Variants in SPRR2G observed in about 807,000 individuals in gnomAD.
SPRR2G encodes the protein small proline rich protein 2G, also known as small proline-rich protein 2G.
Under a neutral mutation model 0.7 loss-of-function variants are expected in SPRR2G, and 1 was observed. The ratio of observed to expected loss-of-function variants is 1.49; its 90% confidence interval spans 0.53 to 7.06. The LOEUF (loss-of-function observed/expected upper bound fraction) is 7.06, where lower values mean the gene tolerates loss of function less well. Among genes scored for constraint, SPRR2G ranks in the 30% most tolerant of loss-of-function variants. SPRR2G has a pLI of 0.14. For synonymous variants in SPRR2G, 38 were observed against 33.9 expected, an observed-to-expected ratio of 1.12 and a Z score of -0.42; for missense variants, 96 against 88.5, an observed-to-expected ratio of 1.09 and a Z score of -0.34.
the SPRR2G span, among the ~76,000 whole-genome samples, chr1:153,170,608 A>G: frequency 1.3e-5 from 2 of 152,208 alleles, no homozygotes; most frequent in Admixed American, 1.3e-4. Flanking sequence ...AGGAGGGAAG[A>G]AGAAAAGGTG....
chr1:153,157,753 G>A, the SPRR2G span, among the ~76,000 whole-genome samples: 5 of 151,988 alleles, frequency 3.3e-5, no homozygotes, highest in South Asian at 2.1e-4. Flanking sequence ...CCATTAGTCC[G>A]TTCTCACACT....
the SPRR2G span, among the ~76,000 whole-genome samples, chr1:153,195,240 T>C: frequency 6.6e-6 from 1 of 152,200 alleles, no homozygotes; most frequent in Admixed American, 6.5e-5. Context: ...CTCCAATCTC[T>C]TTCTTCCAGA....
At chr1:153,165,428 C>T in the SPRR2G span, among the ~76,000 whole-genome samples, 5 of 152,140 alleles carry the variant, frequency 3.3e-5, no homozygotes, top group Admixed American at 1.3e-4. Context: ...GACAGAACTT[C>T]CCAGGTTCCA....
the SPRR2G span, among the ~76,000 whole-genome samples, chr1:153,168,180 G>A: frequency 6.6e-6 from 1 of 152,130 alleles, no homozygotes. Context: ...AACTGTTGAA[G>A]CACCATCAGT....
At chr1:153,201,185 T>C in the SPRR2G span, among the ~76,000 whole-genome samples, 4 of 152,206 alleles carry the variant, frequency 2.6e-5, no homozygotes, top group Non-Finnish European at 4.4e-5. Context: ...GGAAGTCACT[T>C]AGCCACCAAA....
chr1:153,178,373 G>A, the SPRR2G span, among the ~76,000 whole-genome samples: 1 of 152,246 alleles, frequency 6.6e-6, no homozygotes, highest in South Asian at 2.1e-4. Context: ...AATAGAAGTA[G>A]TAAATTGGGA....
the SPRR2G span, among the ~76,000 whole-genome samples, chr1:153,182,095 G>T: frequency 2.6e-5 from 4 of 151,984 alleles, no homozygotes; most frequent in African/African-American, 7.2e-5. Context: ...TCATCTTTTT[G>T]ATCATAGCCA....
At chr1:153,170,985 C>T in the SPRR2G span, among the ~76,000 whole-genome samples, 8 of 152,170 alleles carry the variant, frequency 5.3e-5, no homozygotes, top group African/African-American at 1.4e-4. Context: ...CCAGGATCCA[C>T]GATCAGCTCA....
At chr1:153,171,221 A>C in the SPRR2G span, among the ~76,000 whole-genome samples, 1 of 152,070 alleles carries the variant, frequency 6.6e-6, no homozygotes, top group East Asian at 1.9e-4. Context: ...GCAGGTAAAC[A>C]CCCTTCCTTC....
At chr1:153,168,145 A>G in the SPRR2G span, among the ~76,000 whole-genome samples, 1 of 152,188 alleles carries the variant, frequency 6.6e-6, no homozygotes, top group African/African-American at 2.4e-5. Context: ...ATCAACACCA[A>G]CCAAAAAGAA....
At chr1:153,182,590 G>A in the SPRR2G span, among the ~76,000 whole-genome samples, 3 of 151,932 alleles carry the variant, frequency 2.0e-5, no homozygotes, top group Admixed American at 1.3e-4. Context: ...CCCTCCCTCT[G>A]TCCATGTGTT....
the SPRR2G span, chr1:153,191,686 A>G: frequency 1.3e-5 from 2 of 152,146 alleles, no homozygotes; most frequent in African/African-American, 4.8e-5. Flanking sequence ...ACCCTACTGA[A>G]TGCATCTCAG....
At chr1:153,163,696 C>T in the SPRR2G span, among the ~76,000 whole-genome samples, 4 of 152,174 alleles carry the variant, frequency 2.6e-5, no homozygotes, top group Non-Finnish European at 4.4e-5. Flanking sequence ...TGCTCTCTTC[C>T]TTTCCCGAGT....
At chr1:153,194,393 A>C in the SPRR2G span, among the ~76,000 whole-genome samples, 1 of 152,200 alleles carries the variant, frequency 6.6e-6, no homozygotes, top group Non-Finnish European at 1.5e-5. Flanking sequence ...ATTAGTTGGC[A>C]CTTCATTAAA....
upstream of SPRR2G, among the ~76,000 whole-genome samples, chr1:153,152,147 T>C (rs1408605123): frequency 6.6e-6 from 1 of 152,216 alleles, no homozygotes; most frequent in Non-Finnish European, 1.5e-5. Context: ...CTAAGAAATA[T>C]AAACTCTAAA....
the SPRR2G span, among the ~76,000 whole-genome samples, chr1:153,180,098 G>C: frequency 1.3e-5 from 2 of 152,028 alleles, no homozygotes; most frequent in Non-Finnish European, 2.9e-5. Context: ...CCTTTTAACT[G>C]ACTAAAATTG....
the SPRR2G span, among the ~76,000 whole-genome samples, chr1:153,194,776 G>A: frequency 6.6e-6 from 1 of 152,180 alleles, no homozygotes; most frequent in African/African-American, 2.4e-5. Flanking sequence ...GTAGACATGG[G>A]CAGGCATCGG....
chr1:153,169,591 A>G, the SPRR2G span, among the ~76,000 whole-genome samples: 794 of 151,714 alleles, frequency 5.2e-3, 10 homozygotes, highest in Middle Eastern at 0.02. Context: ...ACCAACCACA[A>G]AGTGGTTCTG....
chr1:153,191,598 C>T, the SPRR2G span: 1 of 152,128 alleles, frequency 6.6e-6, no homozygotes, highest in Non-Finnish European at 1.5e-5. Context: ...GAAAATTCTA[C>T]CATAGACTAA....
Sources: gnomAD v4.1 joint callset for allele counts (sites outside exome capture counted in the v4.1 genomes callset) on GRCh38, gnomAD v4.1.1 for gene constraint, MANE v1.5 for transcripts, NCBI Gene and HGNC (gene_info 2026-07-23, HGNC 2026-07-21) for gene names.